Variants in STRA8 observed in about 807,000 individuals in gnomAD.
STRA8 encodes the protein stimulated by retinoic acid gene 8 protein homolog.
STRA8 carries 18 observed loss-of-function variants against 37.1 expected under a neutral mutation model. That is an observed-to-expected ratio of 0.48 (90% CI 0.34 to 0.72). The LOEUF is 0.72. Ranked by LOEUF, STRA8 falls within the 30% of genes least tolerant of loss-of-function variation. STRA8 has a pLI of 0.01. For synonymous variants in STRA8, 168 were observed against 162.9 expected (o/e 1.03, Z -0.24); for missense variants, 357 against 410.4 (o/e 0.87, Z 1.13).
At chr7:135,253,194 A>C (rs1250377218) in intron 7 of STRA8, among the ~76,000 whole-genome samples, 1 of 152,208 alleles carries the variant, frequency 6.6e-6, no homozygotes, top group Non-Finnish European at 1.5e-5. Flanking sequence ...CTCGGCTCCC[A>C]AAATGCTAGG....
chr7:135,238,203 G>C (rs1329304486), intron 1 of STRA8, among the ~76,000 whole-genome samples: 1 of 152,166 alleles, frequency 6.6e-6, no homozygotes, highest in African/African-American at 2.4e-5. Context: ...AGCCAAGGGG[G>C]GGCGGGGGTG....
chr7:135,242,301 A>C (rs1832479330), intron 2 of STRA8, among the ~76,000 whole-genome samples: 1 of 152,152 alleles, frequency 6.6e-6, no homozygotes, highest in Non-Finnish European at 1.5e-5. Context: ...GCATTTGATA[A>C]GTTTTTAGAT....
chr7:135,232,638 G>A (rs1388619455), upstream of STRA8, among the ~76,000 whole-genome samples: 1 of 151,940 alleles, frequency 6.6e-6, no homozygotes, highest in African/African-American at 2.4e-5. Context: ...AAAAAAAAAT[G>A]CTAGAAGGGG....
chr7:135,234,545 G>A (rs1832343123), intron 1 of STRA8, among the ~76,000 whole-genome samples: 1 of 152,194 alleles, frequency 6.6e-6, no homozygotes, highest in South Asian at 2.1e-4. Context: ...ATATTTTGTG[G>A]ACTGATGCTT....
intron 1 of STRA8, among the ~76,000 whole-genome samples, chr7:135,236,268 G>A (rs55790764): frequency 0.56 from 65,511 of 116,168 alleles, 14,527 homozygotes; most frequent in South Asian, 0.63. Context: ...ATATATATAT[G>A]TGTGTGTGTA....
chr7:135,240,481 A>G (rs1832444563), intron 1 of STRA8, 38 bp from the exon 2 acceptor site: 1 of 1,568,532 alleles, frequency 6.4e-7, no homozygotes, highest in African/African-American at 1.4e-5. Flanking sequence ...TATTTTTATT[A>G]TCTAGGGCAA....
intron 6 of STRA8, among the ~76,000 whole-genome samples, chr7:135,251,554 T>G (rs1270051025): frequency 6.6e-6 from 1 of 152,142 alleles, no homozygotes; most frequent in African/African-American, 2.4e-5. Flanking sequence ...CCCCATTTCT[T>G]CCTGTCCCTC....
At position 135,242,778 on chromosome 7, in the gene STRA8, C is replaced by T. The variant is rs772204864; in HGVS notation, c.193-3C>T. ...TTTCAGCATTGTCTCTGTCTATCCT[C>T]AGTGGCAGGTTCTGAATAAGGCAAA... On this transcript the variant is annotated splice_region_variant and splice_polypyrimidine_tract_variant and intron_variant, in intron 2 of 8. Transcript: ENST00000662584. 5.6e-6 allele frequency: 9 copies of T among 1,613,968 alleles called. No homozygotes were observed. The highest frequency in any genetic ancestry group is 5.3e-5 in the African/African-American group (4 of 74,942).
chr7:135,238,709 CA>C (rs796786656), intron 1 of STRA8, among the ~76,000 whole-genome samples: 4 of 151,842 alleles, frequency 2.6e-5, no homozygotes, highest in Non-Finnish European at 5.9e-5. Flanking sequence ...AAACAAAAAA[CA>C]AAAAAAACCT....
intron 2 of STRA8, among the ~76,000 whole-genome samples, chr7:135,242,396 A>G (rs1832480719): frequency 6.6e-6 from 1 of 152,186 alleles, no homozygotes; most frequent in African/African-American, 2.4e-5. Flanking sequence ...CAGGGTTACC[A>G]CTGAGCTGAA....
chr7:135,243,461 C>A (rs748939199), intron 4 of STRA8, 51 bp downstream of exon 4: 7 of 1,563,672 alleles, frequency 4.5e-6, no homozygotes, highest in East Asian at 2.2e-5. Flanking sequence ...GTCCTCACAG[C>A]CATCAGTACT....
chr7:135,255,163 C>T lies in STRA8; in HGVS notation c.1003C>T (p.Leu335Phe), dbSNP rs138778534. ...AGAAAACCCAGAGGAGAAGTTTCAG[C>T]TCTATATGCAGATCATCAACTTTTT... ...NPENPEEKFQLYMQIINFFKG... is the reference protein window; with the variant it reads ...NPENPEEKFQFYMQIINFFKG... Residue 335 changes from leucine (L) to phenylalanine (F), a missense_variant, in exon 8 of 9, where the codon CTC becomes TTC. By Grantham distance (22) the Leu-to-Phe change is conservative (BLOSUM62 0). Coordinates refer to ENST00000662584, the MANE Select transcript of STRA8 (RefSeq NM_001394401.1). The T allele has an allele frequency of 6.2e-7, 1 of 1,614,100 alleles. No homozygotes were observed. The highest frequency in any genetic ancestry group is 8.5e-7 in the Non-Finnish European group (1 of 1,179,958).
At chr7:135,250,389 A>G (rs1043961007) in intron 6 of STRA8, among the ~76,000 whole-genome samples, 5 of 152,224 alleles carry the variant, frequency 3.3e-5, no homozygotes, top group African/African-American at 7.2e-5. Flanking sequence ...GATAGGCTTC[A>G]GAGCTGATGG....
chr7:135,245,504 G>A lies in STRA8; in HGVS notation c.570G>A (p.Ser190=), dbSNP rs1443160257. The change falls in exon 5 of 9, where the codon TCG becomes TCA. Residue 190 remains serine, a synonymous_variant. Coordinates refer to ENST00000662584, the MANE Select transcript of STRA8 (RefSeq NM_001394401.1). ...KVILYSPGTL[S]PDLMEFERYL... ...TCTTATACTCCCCAGGAACTTTGTC[G>A]CCTGACCTCATGGAATTTGAACGGT... 1.3e-5 allele frequency among the ~76,000 whole-genome samples: 2 copies of A among 152,128 alleles called. No homozygotes were observed. Among genetic ancestry groups the A allele is most frequent in the African/African-American group, 2.4e-5 (1 of 41,412 alleles).
chr7:135,239,633 C>T (rs562310712), intron 1 of STRA8, among the ~76,000 whole-genome samples: 2 of 151,706 alleles, frequency 1.3e-5, no homozygotes, highest in East Asian at 3.9e-4. Flanking sequence ...GGGGTGAGGC[C>T]TGATGGAAGG....
chr7:135,252,077 CT>C lies in STRA8; in HGVS notation c.953+209del, dbSNP rs1186264936. 2.0e-5 allele frequency among the ~76,000 whole-genome samples: 3 copies of C among 150,052 alleles called. No homozygotes were observed. In the East Asian group the frequency reaches 5.9e-4, roughly 30 times the overall value. Reference sequence around the variant, plus strand: ...CTGCTGGGGTGTTCAGGGGCCTCTCCTCTGCAGTCCCTAGATGGGTGTTGTA... The same window carrying C: ...CTGCTGGGGTGTTCAGGGGCCTCTCCCTGCAGTCCCTAGATGGGTGTTGTA... On this transcript the variant is annotated intron_variant, in intron 7 of 8. Transcript: ENST00000662584.
At chr7:135,234,352 G>A (rs940164137) in intron 1 of STRA8, among the ~76,000 whole-genome samples, 7 of 152,114 alleles carry the variant, frequency 4.6e-5, no homozygotes, top group South Asian at 2.1e-4. Context: ...CAGGTGATCC[G>A]TCCACCTCGG....
intron 2 of STRA8, 108 bp downstream of exon 2, chr7:135,240,824 C>A: frequency 7.9e-7 from 1 of 1,259,790 alleles, no homozygotes; most frequent in Non-Finnish European, 1.1e-6. Flanking sequence ...GCTGCCACTT[C>A]TGCTGGGGTA....
chr7:135,247,109 T>A (rs1173292784), intron 6 of STRA8: 1 of 168,318 alleles, frequency 5.9e-6, no homozygotes, highest in Non-Finnish European at 1.3e-5. Context: ...CCTTCCGAAG[T>A]GCTGGGATTA....
Sources: allele counts gnomAD v4.1 joint callset (sites outside exome capture counted in the v4.1 genomes callset), GRCh38; gene constraint gnomAD v4.1.1; transcripts MANE v1.5; gene names NCBI Gene and HGNC (gene_info 2026-07-23, HGNC 2026-07-21).